Variants in CADM1 observed in about 807,000 individuals in gnomAD.
CADM1 encodes the protein cell adhesion molecule 1.
In CADM1, 15 loss-of-function variants were observed where a neutral mutation model predicts 53.1. The observed-to-expected ratio is 0.28, with a 90% confidence interval of 0.19 to 0.44. The LOEUF is 0.44. Ranked by LOEUF, CADM1 falls within the 20% of genes least tolerant of loss-of-function variation. The probability of loss-of-function intolerance (pLI) is 1.00; values close to 1 mark genes in which losing one functional copy is unlikely to be tolerated. For synonymous variants in CADM1, 281 were observed against 243.0 expected (o/e 1.16, Z -1.45); for missense variants, 434 against 611.3 (o/e 0.71, Z 3.06).
intron 1 of CADM1, among the ~76,000 whole-genome samples, chr11:115,286,950 A>G (rs1181132434): frequency 2.0e-5 from 3 of 152,208 alleles, no homozygotes; most frequent in Admixed American, 6.5e-5. Context: ...AAGCTACTCG[A>G]AGCTGTTATT....
chr11:115,246,159 T>C (rs1942401391), intron 1 of CADM1, among the ~76,000 whole-genome samples: 1 of 152,196 alleles, frequency 6.6e-6, no homozygotes, highest in Admixed American at 6.5e-5. Context: ...AATTCTTTAT[T>C]TCTGAGACAG....
chr11:115,395,719 T>C (rs1380841942), intron 1 of CADM1, among the ~76,000 whole-genome samples: 1 of 152,174 alleles, frequency 6.6e-6, no homozygotes. Flanking sequence ...GGAAGGATAT[T>C]AAAACTCTCT....
At chr11:115,324,682 T>C (rs1258663789) in intron 1 of CADM1, among the ~76,000 whole-genome samples, 2 of 152,152 alleles carry the variant, frequency 1.3e-5, no homozygotes, top group African/African-American at 4.8e-5. Context: ...TGATAAAATG[T>C]ATAAAAACTG....
At chr11:115,212,423 G>A (rs1941004547) in intron 7 of CADM1, among the ~76,000 whole-genome samples, 1 of 152,156 alleles carries the variant, frequency 6.6e-6, no homozygotes, top group Non-Finnish European at 1.5e-5. Flanking sequence ...GTCATCCCAA[G>A]TATTGTTACT....
chr11:115,284,087 A>ACTCT (rs141079093), intron 1 of CADM1, among the ~76,000 whole-genome samples: 771 of 47,390 alleles, frequency 0.016, 14 homozygotes, highest in Admixed American at 0.049. Context: ...AAGCCCAGAC[A>ACTCT]CTCTCTCTCT....
chr11:115,461,686 T>C (rs193283925), intron 1 of CADM1, among the ~76,000 whole-genome samples: 4 of 152,254 alleles, frequency 2.6e-5, no homozygotes, highest in South Asian at 4.1e-4. Flanking sequence ...GGGACTTGCT[T>C]TTTGGTGATG....
intron 1 of CADM1, among the ~76,000 whole-genome samples, chr11:115,416,997 T>C (rs1458811676): frequency 2.0e-5 from 3 of 152,162 alleles, no homozygotes; most frequent in Non-Finnish European, 4.4e-5. Context: ...TGAATATTTA[T>C]TAAATGTAAA....
chr11:115,465,202 G>A (rs1325063400), intron 1 of CADM1, among the ~76,000 whole-genome samples: 2 of 152,080 alleles, frequency 1.3e-5, no homozygotes, highest in Non-Finnish European at 2.9e-5. Flanking sequence ...TACTACCTCA[G>A]CATACTACAT....
At chr11:115,423,590 C>T (rs188103625) in intron 1 of CADM1, among the ~76,000 whole-genome samples, 1 of 152,226 alleles carries the variant, frequency 6.6e-6, no homozygotes, top group East Asian at 1.9e-4. Flanking sequence ...AGAGAATATG[C>T]TTTCTTTATC....
chr11:115,337,180 C>T (rs966998290), intron 1 of CADM1, among the ~76,000 whole-genome samples: 2 of 152,140 alleles, frequency 1.3e-5, no homozygotes, highest in Non-Finnish European at 2.9e-5. Flanking sequence ...TTTTCAGGGC[C>T]AGCAGCTCTG....
At chr11:115,394,164 C>T (rs1294943327) in intron 1 of CADM1, among the ~76,000 whole-genome samples, 1 of 152,142 alleles carries the variant, frequency 6.6e-6, no homozygotes, top group African/African-American at 2.4e-5. Context: ...GCAGTGTCAA[C>T]AGAAATATTA....
intron 1 of CADM1, among the ~76,000 whole-genome samples, chr11:115,466,183 G>A (rs145281932): frequency 1.8e-3 from 272 of 152,184 alleles, no homozygotes; most frequent in African/African-American, 6.2e-3. Flanking sequence ...TTGTAGCATC[G>A]TAAGTCTGCA....
intron 1 of CADM1, among the ~76,000 whole-genome samples, chr11:115,389,633 A>G (rs1565401464): frequency 6.6e-6 from 1 of 152,216 alleles, no homozygotes; most frequent in Non-Finnish European, 1.5e-5. Context: ...ACTAAAGATG[A>G]TACATATAGC....
rs1390006066 is a variant in CADM1, at chr11:115,229,144, GT to G, written c.689del (p.Asn230ThrfsTer8). On this transcript the variant is annotated frameshift_variant, in exon 5 of 12. Transcript: ENST00000331581. LOFTEE classifies it high-confidence loss of function. The stretch of plus-strand genomic sequence containing the variant: ...CTTCTAGATACCGCTGGGTCTGCAG[GT>G]TTCCAGTGACCGCAGGGTGCTCCAC... ...CQVEHPAVTG[N>X]LQTQRYLEVQ... 1.2e-6 allele frequency: 2 copies of G among 1,614,078 alleles called. No homozygotes were observed.
At chr11:115,413,757 G>C (rs1947520045) in intron 1 of CADM1, among the ~76,000 whole-genome samples, 1 of 151,292 alleles carries the variant, frequency 6.6e-6, no homozygotes, top group Admixed American at 6.6e-5. Context: ...TGATTCTCCT[G>C]CCTCAGCCTG....
rs537330853 is a variant in CADM1, at chr11:115,401,401, G to A, written c.124+102870C>T. On this transcript the variant is annotated intron_variant, in intron 1 of 11. Coordinates refer to ENST00000331581, the MANE Select transcript of CADM1 (RefSeq NM_001301043.2). ...AGGCGGGTGGATCACGAGGTCAGGA[G>A]TTTCAGACCAGCCTGGCCAACATGG... Among the ~76,000 whole-genome samples the A allele has an allele frequency of 2.6e-5, 4 of 152,220 alleles. No individual in the cohort carries two copies. The East Asian group carries it at 5.8e-4, about 22-fold the overall frequency.
intron 1 of CADM1, among the ~76,000 whole-genome samples, chr11:115,314,192 T>C (rs561282551): frequency 1.1e-4 from 16 of 151,518 alleles, no homozygotes; most frequent in Admixed American, 1.3e-4. Flanking sequence ...AAGGCAAGAG[T>C]AGAAGCCCTT....
rs140265115 is a variant in CADM1 at position 115,496,512 on chromosome 11, G to A, written c.124+7759C>T. On this transcript the variant is annotated intron_variant, in intron 1 of 11. Coordinates refer to ENST00000331581, the MANE Select transcript of CADM1 (RefSeq NM_001301043.2). ...AATAAGAAATGAGGGCAATAGAGAGGGAGTGGGAGAGCAATTGAGGAAGAA... is the reference window on the plus strand; with the variant it reads ...AATAAGAAATGAGGGCAATAGAGAGAGAGTGGGAGAGCAATTGAGGAAGAA... Among the ~76,000 whole-genome samples the A allele has an allele frequency of 7.0e-4, 106 of 152,218 alleles. No homozygotes were observed. In the East Asian group the frequency reaches 0.018, roughly 26 times the overall value.
chr11:115,446,355 A>G (rs1481069135), intron 1 of CADM1, among the ~76,000 whole-genome samples: 1 of 152,200 alleles, frequency 6.6e-6, no homozygotes, highest in Non-Finnish European at 1.5e-5. Context: ...CTGAGTCCAC[A>G]GTCACATTCT....
Sources: allele counts gnomAD v4.1 joint callset (sites outside exome capture counted in the v4.1 genomes callset), GRCh38; gene constraint gnomAD v4.1.1; transcripts MANE v1.5; gene names NCBI Gene and HGNC (gene_info 2026-07-23, HGNC 2026-07-21).